LMNTD1: variants seen among roughly 807,000 people sequenced by gnomAD.
LMNTD1 encodes lamin tail domain-containing protein 1.
Under a neutral mutation model 50.9 loss-of-function variants are expected in LMNTD1, and 35 were observed. The ratio of observed to expected loss-of-function variants is 0.69; its 90% confidence interval spans 0.53 to 0.91. The LOEUF (loss-of-function observed/expected upper bound fraction) is 0.91. Among genes scored for constraint, LMNTD1 ranks in the 40% least tolerant of loss-of-function variants. The probability of loss-of-function intolerance (pLI) is 0.00; values close to 1 mark genes in which losing one functional copy is unlikely to be tolerated. For synonymous variants in LMNTD1, 153 were observed against 161.9 expected (o/e 0.94, Z 0.42); for missense variants, 470 against 475.5 (o/e 0.99, Z 0.11).
At chr12:25,598,521 A>T (rs1462284734) in intron 1 of LMNTD1, among the ~76,000 whole-genome samples, 2 of 152,046 alleles carry the variant, frequency 1.3e-5, no homozygotes, top group Non-Finnish European at 2.9e-5. Flanking sequence ...GCAGAAACAA[A>T]TAAAATTGAA....
Position 25,624,332 on chromosome 12 carries a change from T to C in LMNTD1, c.58+24162A>G, listed in dbSNP as rs142161833. On this transcript the variant is annotated intron_variant, in intron 1 of 7. Transcript: ENST00000445693. Reference sequence around the variant, plus strand: ...AGCTATCAAACTCTCCTGATTTTCATTGGTTTCCCTTATTTTCAGAAATGC... The same window carrying C: ...AGCTATCAAACTCTCCTGATTTTCACTGGTTTCCCTTATTTTCAGAAATGC... Among the ~76,000 whole-genome samples the C allele has an allele frequency of 8.4e-4, 128 of 152,342 alleles. 1 individual carries two copies. The highest frequency in any genetic ancestry group is 2.8e-3 in the African/African-American group (118 of 41,594).
rs370976229 is a variant in LMNTD1, at chr12:25,499,560, AAT to A, written c.*22+4176_*22+4177del. Among the ~76,000 whole-genome samples the A allele has an allele frequency of 2.6e-4, 39 of 152,250 alleles. No homozygotes were observed. In the East Asian group the frequency reaches 7.5e-3, roughly 29 times the overall value. On this transcript the variant is annotated intron_variant, in intron 9 of 9. Coordinates refer to ENST00000458174, the MANE Select transcript of LMNTD1 (RefSeq NM_001145728.2). ...TGGATACTGTTTACTTCTGGTTTTG[AAT>A]ATGGGGATCAAAATTGTTTGGAGGC...
intron 8 of LMNTD1, among the ~76,000 whole-genome samples, chr12:25,510,413 T>C (rs77066831): frequency 0.022 from 3,294 of 152,272 alleles, 52 homozygotes; most frequent in Middle Eastern, 0.058. Flanking sequence ...TGTACATAGA[T>C]GTGGTTTCCT....
intron 1 of LMNTD1, among the ~76,000 whole-genome samples, chr12:25,619,822 C>T (rs891222048): frequency 7.9e-5 from 12 of 152,156 alleles, no homozygotes; most frequent in East Asian, 3.9e-4. Flanking sequence ...ATAACTAATG[C>T]GAAATAATTC....
At chr12:25,588,216 C>T (rs7138375) in intron 1 of LMNTD1, among the ~76,000 whole-genome samples, 18,288 of 152,116 alleles carry the variant, frequency 0.12, 1,281 homozygotes, top group East Asian at 0.27. Flanking sequence ...ACTATAGCAA[C>T]TAACTAGAAA....
intron 4 of LMNTD1, among the ~76,000 whole-genome samples, chr12:25,539,271 AT>A: frequency 6.6e-6 from 1 of 150,936 alleles, no homozygotes; most frequent in African/African-American, 2.4e-5. Flanking sequence ...CAGAATATAC[AT>A]TTTTTTCAGC....
chr12:25,491,495 C>G (rs1243159741), intron 9 of LMNTD1, among the ~76,000 whole-genome samples: 1 of 152,190 alleles, frequency 6.6e-6, no homozygotes, highest in Admixed American at 6.5e-5. Context: ...TGAGAAATTG[C>G]TAGAGATGGG....
chr12:25,639,513 A>G (rs1946906543), intron 1 of LMNTD1, among the ~76,000 whole-genome samples: 2 of 152,196 alleles, frequency 1.3e-5, no homozygotes, highest in Non-Finnish European at 2.9e-5. Context: ...TTGAATAGAC[A>G]TTTTTTCAAA....
intron 1 of LMNTD1, among the ~76,000 whole-genome samples, chr12:25,612,356 C>T (rs7956349): frequency 0.32 from 47,976 of 150,298 alleles, 8,980 homozygotes; most frequent in East Asian, 0.86. Flanking sequence ...CAACACTGAA[C>T]CACTACTCAC....
intron 1 of LMNTD1, among the ~76,000 whole-genome samples, chr12:25,616,764 T>C (rs977799024): frequency 2.6e-5 from 4 of 152,206 alleles, no homozygotes; most frequent in South Asian, 4.1e-4. Flanking sequence ...ATTTCCCTTA[T>C]ATAATAACAT....
chr12:25,630,290 A>G (rs1410652942), intron 1 of LMNTD1, among the ~76,000 whole-genome samples: 3 of 152,154 alleles, frequency 2.0e-5, no homozygotes, highest in African/African-American at 7.2e-5. Flanking sequence ...AAAATGTTCC[A>G]TTTTTGAGGA....
At chr12:25,481,158 T>C (rs952438064) in intron 9 of LMNTD1, among the ~76,000 whole-genome samples, 1 of 152,014 alleles carries the variant, frequency 6.6e-6, no homozygotes, top group Admixed American at 6.5e-5. Context: ...CTGGCTGACA[T>C]GTCACCTTCT....
chr12:25,516,737 C>T (rs934730278), intron 8 of LMNTD1, among the ~76,000 whole-genome samples: 8 of 151,954 alleles, frequency 5.3e-5, no homozygotes, highest in Non-Finnish European at 1.2e-4. Flanking sequence ...AGCTTCTGCA[C>T]AGCAAAAGAA....
intron 1 of LMNTD1, among the ~76,000 whole-genome samples, chr12:25,630,309 G>C (rs2136593343): frequency 6.6e-6 from 1 of 152,250 alleles, no homozygotes; most frequent in Admixed American, 6.5e-5. Context: ...GATCATGGTG[G>C]ACAGGAGGCA....
At chr12:25,497,891 T>A (rs1008279397) in intron 9 of LMNTD1, 1 of 152,126 alleles carries the variant, frequency 6.6e-6, no homozygotes, top group African/African-American at 2.4e-5. Context: ...CCAACAAAAC[T>A]CAATGAATTT....
At chr12:25,627,571 G>C (rs12829223) in intron 1 of LMNTD1, among the ~76,000 whole-genome samples, 12,655 of 152,174 alleles carry the variant, frequency 0.083, 560 homozygotes, top group Middle Eastern at 0.18. Context: ...TATTTTGGGA[G>C]AGAGATCCTC....
intron 1 of LMNTD1, among the ~76,000 whole-genome samples, chr12:25,590,617 T>C (rs1284903040): frequency 6.6e-6 from 1 of 152,180 alleles, no homozygotes; most frequent in Non-Finnish European, 1.5e-5. Flanking sequence ...CCAGGCTGCA[T>C]AGCTTGTGGC....
At chr12:25,570,965 C>T (rs1944763636) in intron 1 of LMNTD1, among the ~76,000 whole-genome samples, 1 of 152,194 alleles carries the variant, frequency 6.6e-6, no homozygotes, top group South Asian at 2.1e-4. Context: ...GCAGCCTTAA[C>T]AAATCATGTT....
At chr12:25,644,398 T>C (rs1947020087) in intron 1 of LMNTD1, among the ~76,000 whole-genome samples, 1 of 150,842 alleles carries the variant, frequency 6.6e-6, no homozygotes, top group Non-Finnish European at 1.5e-5. Context: ...GGTGGGAAGA[T>C]TGGTTAAGCC....
Sources: gnomAD v4.1 joint callset for allele counts (sites outside exome capture counted in the v4.1 genomes callset) on GRCh38, gnomAD v4.1.1 for gene constraint, MANE v1.5 for transcripts, NCBI Gene and HGNC (gene_info 2026-07-23, HGNC 2026-07-21) for gene names.